ROR2: variants seen among roughly 807,000 people sequenced by gnomAD.
ROR2 encodes the protein ROR family WNT receptor 2, also known as tyrosine-protein kinase transmembrane receptor ROR2.
A neutral mutation model predicts 74.9 loss-of-function variants in ROR2; 33 were observed. The ratio of observed to expected loss-of-function variants is 0.44; its 90% confidence interval spans 0.33 to 0.59. The LOEUF (loss-of-function observed/expected upper bound fraction) is 0.59. ROR2 is among the 20% of genes least tolerant of loss of function. The probability of loss-of-function intolerance (pLI) is 0.02; values close to 1 mark genes in which losing one functional copy is unlikely to be tolerated. For missense variants in ROR2, 1,216 were observed against 1,313.8 expected (o/e 0.93, Z 1.15); for synonymous variants, 586 against 558.7 (o/e 1.05, Z -0.69).
Position 91,949,893 on chromosome 9 carries a change from A to C in ROR2, c.71T>G (p.Leu24Arg). The C allele has an allele frequency of 6.5e-7, 1 of 1,540,982 alleles. No homozygotes were observed. Among genetic ancestry groups the C allele is most frequent in the Non-Finnish European group, 8.8e-7 (1 of 1,142,324 alleles). ...TGAAGTCCGGGACACTGAGAGCAGA[A>C]GCGCGGCGGCCGCCCAGACGGCCGG... ...CIPAVWAAAA[L>R]LLSVSRTSGE... The change falls in exon 1 of 9, where the codon CTT becomes CGT. Residue 24 changes from leucine to arginine, a missense_variant. Leu to Arg is a moderately radical substitution (Grantham distance 102). Coordinates refer to ENST00000375708, the MANE Select transcript of ROR2 (RefSeq NM_004560.4).
Position 91,724,287 on chromosome 9 carries a change from C to G in ROR2, c.2207G>C (p.Arg736Pro). The change falls in exon 9 of 9, where the codon CGG (arginine) becomes CCG (proline). Residue 736 changes from arginine (R) to proline (P), a missense_variant. Coordinates refer to ENST00000375708, the MANE Select transcript of ROR2 (RefSeq NM_004560.4). ...IECWNEFPSR[R>P]PRFKDIHSRL... ...GCTGTGGATGTCCTTGAAGCGGGGC[C>G]GCCGGCTGGGGAACTCGTTCCAGCA... The G allele has an allele frequency of 6.2e-7, 1 of 1,613,220 alleles. No homozygotes were observed.
intron 1 of ROR2, among the ~76,000 whole-genome samples, chr9:91,894,548 AT>A (rs1394239658): frequency 6.6e-6 from 1 of 152,238 alleles, no homozygotes; most frequent in African/African-American, 2.4e-5. Context: ...CTGTCAAGTG[AT>A]TATTCACTTC....
intron 1 of ROR2, among the ~76,000 whole-genome samples, chr9:91,826,406 C>G (rs958928399): frequency 6.6e-6 from 1 of 152,052 alleles, no homozygotes; most frequent in African/African-American, 2.4e-5. Context: ...ACAACAACAA[C>G]AAAAAGAAAT....
At chr9:91,812,415 G>C (rs557983017) in intron 1 of ROR2, among the ~76,000 whole-genome samples, 4 of 152,220 alleles carry the variant, frequency 2.6e-5, no homozygotes, top group East Asian at 1.9e-4. Context: ...ATGTGGGGAG[G>C]GGGGATGTCA....
chr9:91,838,742 T>A (rs1375181015), intron 1 of ROR2, among the ~76,000 whole-genome samples: 3 of 152,142 alleles, frequency 2.0e-5, no homozygotes, highest in Non-Finnish European at 4.4e-5. Context: ...TAGACCCTTT[T>A]TAAAAGAGTA....
At chr9:91,857,451 T>C (rs1453583835) in intron 1 of ROR2, among the ~76,000 whole-genome samples, 1 of 152,176 alleles carries the variant, frequency 6.6e-6, no homozygotes, top group African/African-American at 2.4e-5. Flanking sequence ...GCGACCAGCA[T>C]GAGGAACTGA....
chr9:91,918,302 C>T (rs914131413), intron 1 of ROR2, among the ~76,000 whole-genome samples: 6 of 151,952 alleles, frequency 3.9e-5, no homozygotes, highest in Admixed American at 3.3e-4. Context: ...GGGCACAGGG[C>T]CAGAGGTCAA....
chr9:91,723,646 C>T lies in ROR2; in HGVS notation c.*16G>A, dbSNP rs2230578. On this transcript the variant is annotated 3_prime_UTR_variant, in exon 9 of 9. Transcript: ENST00000375708. ...CGGCGGGGCTTCTATCCCCGAACCC[C>T]GGGCCCTGGTGCCACTCAAGCTTCC... 1,136,985 of 1,611,668 alleles carry T rather than the reference C, an allele frequency of 0.71. 403,778 individuals carry two copies. The highest frequency in any genetic ancestry group is 0.94 in the East Asian group (42,311 of 44,838).
chr9:91,899,400 C>A (rs1003942560), intron 1 of ROR2, among the ~76,000 whole-genome samples: 1 of 152,172 alleles, frequency 6.6e-6, no homozygotes, highest in Non-Finnish European at 1.5e-5. Flanking sequence ...CCCTGCTTGG[C>A]CTCTTTCCTC....
At chr9:91,924,363 G>C (rs891309874) in intron 1 of ROR2, among the ~76,000 whole-genome samples, 1 of 152,236 alleles carries the variant, frequency 6.6e-6, no homozygotes, top group African/African-American at 2.4e-5. Flanking sequence ...GTCCCTTGTG[G>C]TGGAGTGACA....
intron 1 of ROR2, among the ~76,000 whole-genome samples, chr9:91,805,645 GGCA>G (rs1289406247): frequency 6.6e-6 from 1 of 152,138 alleles, no homozygotes; most frequent in Non-Finnish European, 1.5e-5. Context: ...TTCATAGGAT[GGCA>G]GCAGAAGTAC....
chr9:91,949,146 G>A (rs1832097519), intron 1 of ROR2, among the ~76,000 whole-genome samples: 1 of 151,230 alleles, frequency 6.6e-6, no homozygotes, highest in South Asian at 2.1e-4. Flanking sequence ...GAAGGCGGCC[G>A]CGCCCCAGCC....
intron 1 of ROR2, among the ~76,000 whole-genome samples, chr9:91,859,349 G>A (rs963888753): frequency 1.3e-5 from 2 of 151,884 alleles, no homozygotes; most frequent in African/African-American, 4.8e-5. Flanking sequence ...CTTCAGGCAC[G>A]CCACCATGCT....
intron 1 of ROR2, among the ~76,000 whole-genome samples, chr9:91,855,470 C>T (rs1488143693): frequency 6.6e-6 from 1 of 152,182 alleles, no homozygotes; most frequent in Admixed American, 6.5e-5. Context: ...GATCCCAGGC[C>T]GAGAAGGGAG....
intron 1 of ROR2, among the ~76,000 whole-genome samples, chr9:91,854,206 T>C (rs1045863477): frequency 3.9e-5 from 6 of 152,176 alleles, no homozygotes; most frequent in Non-Finnish European, 8.8e-5. Flanking sequence ...TGTTGGAGGA[T>C]TGCTGATAGC....
At chr9:91,899,883 CAT>C (rs1314375816) in intron 1 of ROR2, among the ~76,000 whole-genome samples, 3 of 152,176 alleles carry the variant, frequency 2.0e-5, no homozygotes, top group Non-Finnish European at 2.9e-5. Context: ...CATACACACA[CAT>C]ACACATTACA....
At chr9:91,934,055 C>A (rs114801208) in intron 1 of ROR2, among the ~76,000 whole-genome samples, 66 of 152,094 alleles carry the variant, frequency 4.3e-4, no homozygotes, top group Admixed American at 3.9e-3. Context: ...AGCACATGTG[C>A]GCAGAAAACA....
chr9:91,838,287 G>A (rs1247684805), intron 1 of ROR2, among the ~76,000 whole-genome samples: 1 of 152,140 alleles, frequency 6.6e-6, no homozygotes, highest in African/African-American at 2.4e-5. Context: ...TCTGAACCAA[G>A]TGAGCCACTC....
At chr9:91,909,847 G>GTTTTGT (rs1830917603) in intron 1 of ROR2, among the ~76,000 whole-genome samples, 4 of 53,600 alleles carry the variant, frequency 7.5e-5, no homozygotes, top group South Asian at 1.0e-3. Context: ...GGTTTGTTTT[G>GTTTTGT]TTTTTTTTTT....
Sources: allele counts gnomAD v4.1 joint callset (sites outside exome capture counted in the v4.1 genomes callset), GRCh38; gene constraint gnomAD v4.1.1; transcripts MANE v1.5; gene names NCBI Gene and HGNC (gene_info 2026-07-23, HGNC 2026-07-21).